PTPRG: variants seen among roughly 807,000 people sequenced by gnomAD.
PTPRG encodes the protein protein tyrosine phosphatase receptor type G, also known as receptor-type tyrosine-protein phosphatase gamma.
Under a neutral mutation model 165.3 loss-of-function variants are expected in PTPRG, and 102 were observed. That is an observed-to-expected ratio of 0.62 (90% confidence interval 0.53 to 0.73). The LOEUF (loss-of-function observed/expected upper bound fraction) is 0.73, where lower values mean the gene tolerates loss of function less well. Ranked by LOEUF, PTPRG falls within the 30% of genes least tolerant of loss-of-function variation. The pLI, the probability that PTPRG is intolerant of heterozygous loss-of-function variation, is 0.00. For synonymous variants in PTPRG, 675 were observed against 669.5 expected, an observed-to-expected ratio of 1.01 and a Z score of -0.13; for missense variants, 1,866 against 1,861.4, an observed-to-expected ratio of 1.00 and a Z score of -0.05.
intron 3 of PTPRG, among the ~76,000 whole-genome samples, chr3:61,994,640 C>G (rs2040976704): frequency 1.3e-5 from 2 of 152,206 alleles, no homozygotes; most frequent in African/African-American, 4.8e-5. Flanking sequence ...ATTGAGTTTA[C>G]TTTACCTGGC....
intron 2 of PTPRG, among the ~76,000 whole-genome samples, chr3:61,959,462 G>A (rs1410227379): frequency 1.3e-5 from 2 of 152,188 alleles, no homozygotes; most frequent in African/African-American, 2.4e-5. Flanking sequence ...TCCCTTGAAT[G>A]CGCAGTTCAC....
chr3:62,174,541 C>T (rs17066237), intron 8 of PTPRG, among the ~76,000 whole-genome samples: 11,732 of 152,176 alleles, frequency 0.077, 745 homozygotes, highest in East Asian at 0.35. Context: ...CATGTACCAC[C>T]GTGCAAGGAT....
chr3:62,218,187 C>T (rs1700559286), intron 12 of PTPRG, among the ~76,000 whole-genome samples: 1 of 152,130 alleles, frequency 6.6e-6, no homozygotes, highest in Non-Finnish European at 1.5e-5. Context: ...GGTTGAGATT[C>T]TAGGGCAAGA....
intron 12 of PTPRG, among the ~76,000 whole-genome samples, chr3:62,204,836 G>A (rs1004585775): frequency 6.6e-6 from 1 of 152,138 alleles, no homozygotes; most frequent in Admixed American, 6.5e-5. Flanking sequence ...TCTATCATAT[G>A]CTCAAATCTT....
intron 2 of PTPRG, among the ~76,000 whole-genome samples, chr3:61,786,838 A>AGCAGTT: frequency 6.6e-6 from 1 of 152,194 alleles, no homozygotes; most frequent in Non-Finnish European, 1.5e-5. Flanking sequence ...GTGTCTTTGA[A>AGCAGTT]ATGTCCCACT....
intron 4 of PTPRG, among the ~76,000 whole-genome samples, chr3:62,076,138 C>G (rs7651505): frequency 0.36 from 54,807 of 151,738 alleles, 10,121 homozygotes; most frequent in Non-Finnish European, 0.4. Flanking sequence ...TGTATAAAAA[C>G]TAGCCCGATA....
chr3:62,285,341 C>A (rs1702602244), intron 28 of PTPRG, among the ~76,000 whole-genome samples: 2 of 152,196 alleles, frequency 1.3e-5, no homozygotes, highest in African/African-American at 4.8e-5. Context: ...TGCTTAAATT[C>A]TTCTTTTCAA....
intron 2 of PTPRG, among the ~76,000 whole-genome samples, chr3:61,752,796 AAAAAAG>A (rs2033488880): frequency 1.2e-5 from 1 of 82,014 alleles, no homozygotes; most frequent in African/African-American, 5.4e-5. Flanking sequence ...AAAAAAAAAA[AAAAAAG>A]AAAAAAAAAA....
intron 4 of PTPRG, among the ~76,000 whole-genome samples, chr3:62,021,360 A>G (rs2041685512): frequency 6.6e-6 from 1 of 152,228 alleles, no homozygotes; most frequent in African/African-American, 2.4e-5. Context: ...TGAAGATGAA[A>G]GGTAGGAGAG....
intron 3 of PTPRG, among the ~76,000 whole-genome samples, chr3:61,997,915 C>T (rs559694751): frequency 8.7e-4 from 132 of 152,276 alleles, no homozygotes; most frequent in African/African-American, 3.1e-3. Flanking sequence ...GGAAGGTGGT[C>T]TGGGGATCCC....
intron 2 of PTPRG, among the ~76,000 whole-genome samples, chr3:61,789,527 C>T (rs2034810467): frequency 6.6e-6 from 1 of 152,178 alleles, no homozygotes; most frequent in Non-Finnish European, 1.5e-5. Flanking sequence ...ATAATTGCTA[C>T]AGTAGTGCAG....
chr3:61,882,894 A>G (rs2037924838), intron 2 of PTPRG, among the ~76,000 whole-genome samples: 1 of 151,940 alleles, frequency 6.6e-6, no homozygotes. Context: ...TTCATTTTCC[A>G]TTTCCTCTGC....
chr3:61,881,833 C>T (rs12637793), intron 2 of PTPRG, among the ~76,000 whole-genome samples: 18,875 of 152,184 alleles, frequency 0.12, 1,677 homozygotes, highest in East Asian at 0.48. Context: ...AAATCACAGG[C>T]TCTGATATAC....
chr3:62,187,910 A>G (rs187221418), intron 8 of PTPRG, among the ~76,000 whole-genome samples: 124 of 152,302 alleles, frequency 8.1e-4, no homozygotes, highest in African/African-American at 3.0e-3. Context: ...CCTTCCTGGC[A>G]GGTGATCCTG....
chr3:62,085,136 C>T (rs1000865563), intron 5 of PTPRG, among the ~76,000 whole-genome samples: 16 of 152,306 alleles, frequency 1.1e-4, no homozygotes, highest in African/African-American at 3.6e-4. Context: ...AGTGCATTGA[C>T]CTCAATTATT....
At chr3:61,728,458 C>A (rs2032351062) in intron 1 of PTPRG, among the ~76,000 whole-genome samples, 1 of 152,050 alleles carries the variant, frequency 6.6e-6, no homozygotes, top group Non-Finnish European at 1.5e-5. Context: ...TCGTGTGTGC[C>A]TGTAGTCCCA....
chr3:61,752,131 T>C (rs1024484683), intron 2 of PTPRG, among the ~76,000 whole-genome samples: 2 of 152,210 alleles, frequency 1.3e-5, no homozygotes, highest in Non-Finnish European at 2.9e-5. Context: ...AGTGTCGCGA[T>C]TGACAGTGGG....
intron 4 of PTPRG, among the ~76,000 whole-genome samples, chr3:62,026,163 T>C (rs2041799333): frequency 6.6e-6 from 1 of 152,332 alleles, no homozygotes; most frequent in South Asian, 2.1e-4. Flanking sequence ...AATTGATTTC[T>C]TAGGCTGAAG....
intron 5 of PTPRG, among the ~76,000 whole-genome samples, chr3:62,124,974 G>C (rs372414447): frequency 2.9e-4 from 44 of 152,246 alleles, no homozygotes; most frequent in African/African-American, 1.0e-3. Flanking sequence ...GGAGTCAGGG[G>C]TCTTTGAAGG....
Sources: allele counts gnomAD v4.1 joint callset (sites outside exome capture counted in the v4.1 genomes callset), GRCh38; gene constraint gnomAD v4.1.1; transcripts MANE v1.5; gene names NCBI Gene and HGNC (gene_info 2026-07-23, HGNC 2026-07-21).